WSCD2: variants seen among roughly 807,000 people sequenced by gnomAD.
WSCD2 encodes the protein sialate:O-sulfotransferase 2.
Under a neutral mutation model 55.7 loss-of-function variants are expected in WSCD2, and 28 were observed. The observed-to-expected ratio is 0.50, with a 90% CI of 0.37 to 0.69. The LOEUF (loss-of-function observed/expected upper bound fraction) is 0.69, where lower values mean the gene tolerates loss of function less well. Among genes scored for constraint, WSCD2 ranks in the 30% least tolerant of loss-of-function variants. The pLI is 0.00. For synonymous variants in WSCD2, 301 were observed against 301.9 expected (o/e 1.00, Z 0.03); for missense variants, 616 against 762.1 (o/e 0.81, Z 2.26).
intron 1 of WSCD2, among the ~76,000 whole-genome samples, chr12:108,138,662 G>A (rs1399949824): frequency 6.6e-6 from 1 of 152,206 alleles, no homozygotes; most frequent in Non-Finnish European, 1.5e-5. Flanking sequence ...GTGGGCATCT[G>A]TTCAGGACTC....
chr12:108,234,512 A>G (rs1889096512), intron 7 of WSCD2, among the ~76,000 whole-genome samples: 1 of 152,236 alleles, frequency 6.6e-6, no homozygotes, highest in African/African-American at 2.4e-5. Flanking sequence ...GTGATTGTTT[A>G]TTAAGCACCT....
chr12:108,213,683 G>T (rs984539082), intron 4 of WSCD2, among the ~76,000 whole-genome samples: 1 of 152,146 alleles, frequency 6.6e-6, no homozygotes, highest in African/African-American at 2.4e-5. Context: ...GCAAATAAAA[G>T]AGTGCACAAA....
chr12:108,236,720 TTC>T (rs2137213180), intron 7 of WSCD2, among the ~76,000 whole-genome samples: 1 of 152,202 alleles, frequency 6.6e-6, no homozygotes, highest in South Asian at 2.1e-4. Context: ...CCTTCTCTGT[TTC>T]TGTCTCATTT....
chr12:108,202,531 A>G (rs7971236), intron 2 of WSCD2, among the ~76,000 whole-genome samples: 70,194 of 151,946 alleles, frequency 0.46, 16,716 homozygotes, highest in East Asian at 0.62. Context: ...ATAAAAAAAG[A>G]ATAAGATCAT....
chr12:108,153,100 C>CACAAACAAACAAACAA (rs1565920079), intron 1 of WSCD2, among the ~76,000 whole-genome samples: 13 of 61,458 alleles, frequency 2.1e-4, no homozygotes, highest in Admixed American at 1.9e-3. Flanking sequence ...GAGACTCTGT[C>CACAAACAAACAAACAA]TCAAACAAAC....
intron 2 of WSCD2, among the ~76,000 whole-genome samples, chr12:108,198,208 T>C (rs1257887050): frequency 6.6e-6 from 1 of 152,120 alleles, no homozygotes; most frequent in Non-Finnish European, 1.5e-5. Context: ...TTACCTGTCC[T>C]GCCTGTCTGT....
At chr12:108,246,213 T>A (rs1890070334) in intron 8 of WSCD2, among the ~76,000 whole-genome samples, 1 of 152,258 alleles carries the variant, frequency 6.6e-6, no homozygotes, top group South Asian at 2.1e-4. Context: ...CAGACAGTAG[T>A]CCTTTTCCTT....
At chr12:108,191,428 G>A (rs1592977299) in intron 1 of WSCD2, among the ~76,000 whole-genome samples, 1 of 152,260 alleles carries the variant, frequency 6.6e-6, no homozygotes, top group East Asian at 1.9e-4. Context: ...GTGGGAGGCA[G>A]GGGAGTCTGG....
chr12:108,150,723 C>A (rs1172214556), intron 1 of WSCD2, among the ~76,000 whole-genome samples: 1 of 152,152 alleles, frequency 6.6e-6, no homozygotes, highest in African/African-American at 2.4e-5. Context: ...CTTTGGCACT[C>A]TCTCTGCCCA....
At chr12:108,170,307 G>C (rs777115251) in intron 1 of WSCD2, among the ~76,000 whole-genome samples, 1 of 152,090 alleles carries the variant, frequency 6.6e-6, no homozygotes, top group Non-Finnish European at 1.5e-5. Context: ...CACACACACA[G>C]AGAAACGGGA....
rs569937351 is a variant in WSCD2 at position 108,250,392 on chromosome 12, G to A, written c.*2049G>A. 6.6e-6 allele frequency: 1 copy of A among 152,386 alleles called. No individual in the cohort carries two copies. Among genetic ancestry groups the A allele is most frequent in the African/African-American group, 2.4e-5 (1 of 41,536 alleles). The allele number at this position is 152,386 out of a possible 1,614,324, so 9.4% of individuals were successfully genotyped here. A position where few individuals can be genotyped will look rare whatever the true frequency, so the allele number is the denominator to read the frequency against. ...ATTACGTGCCTCTGTGTGTAAAATT[G>A]CCTTTGTGTTCTCCTGCCTTTCTAT... On this transcript the variant is annotated 3_prime_UTR_variant, in exon 9 of 9. Coordinates refer to ENST00000547525, the MANE Select transcript of WSCD2 (RefSeq NM_014653.4).
At chr12:108,236,582 TTCTCTC>T (rs10538375) in intron 7 of WSCD2, among the ~76,000 whole-genome samples, 1 of 148,966 alleles carries the variant, frequency 6.7e-6, no homozygotes, top group African/African-American at 2.5e-5. Context: ...CTCTCTCTCA[TTCTCTC>T]TCTCTCTCTC....
At chr12:108,186,746 G>T (rs551895789) in intron 1 of WSCD2, among the ~76,000 whole-genome samples, 1 of 152,144 alleles carries the variant, frequency 6.6e-6, no homozygotes, top group Admixed American at 6.5e-5. Context: ...TTGCTGGATC[G>T]TATGGTAAGA....
intron 8 of WSCD2, among the ~76,000 whole-genome samples, chr12:108,243,455 T>TCTCA: frequency 6.6e-6 from 1 of 152,162 alleles, no homozygotes; most frequent in East Asian, 1.9e-4. Context: ...GCCAGGATGG[T>TCTCA]CTCAATCTGA....
intron 7 of WSCD2, among the ~76,000 whole-genome samples, chr12:108,237,058 G>GAGGAT (rs1317914292): frequency 2.0e-5 from 3 of 152,114 alleles, no homozygotes; most frequent in Admixed American, 6.5e-5. Flanking sequence ...AACAATTTCT[G>GAGGAT]AGGATTTCCT....
chr12:108,214,141 C>T (rs1886550766), intron 4 of WSCD2, among the ~76,000 whole-genome samples: 1 of 152,222 alleles, frequency 6.6e-6, no homozygotes, highest in Non-Finnish European at 1.5e-5. Flanking sequence ...ACAGCTATGG[C>T]AGAAACCAGA....
At chr12:108,143,250 C>T (rs2136888063) in intron 1 of WSCD2, among the ~76,000 whole-genome samples, 1 of 152,342 alleles carries the variant, frequency 6.6e-6, no homozygotes, top group African/African-American at 2.4e-5. Flanking sequence ...AGCCCAGTTC[C>T]AGCAATTCTG....
chr12:108,134,596 T>TA (rs1469757476), intron 1 of WSCD2, among the ~76,000 whole-genome samples: 1 of 152,170 alleles, frequency 6.6e-6, no homozygotes, highest in Non-Finnish European at 1.5e-5. Flanking sequence ...GGTTGTTTGT[T>TA]ACACACCACT....
chr12:108,141,909 G>A (rs895970997), intron 1 of WSCD2, among the ~76,000 whole-genome samples: 1 of 152,140 alleles, frequency 6.6e-6, no homozygotes, highest in Non-Finnish European at 1.5e-5. Context: ...CCTCCAAGCT[G>A]TCCCCGTCAA....
Sources: allele counts gnomAD v4.1 joint callset (sites outside exome capture counted in the v4.1 genomes callset), GRCh38; gene constraint gnomAD v4.1.1; transcripts MANE v1.5; gene names NCBI Gene and HGNC (gene_info 2026-07-23, HGNC 2026-07-21).